NDST3: variants seen among roughly 807,000 people sequenced by gnomAD.
NDST3 encodes bifunctional heparan sulfate N-deacetylase/N-sulfotransferase 3.
NDST3 carries 58 observed loss-of-function variants against 96.1 expected under a neutral mutation model. That is an observed-to-expected ratio of 0.60 (90% CI 0.49 to 0.75). NDST3 has a LOEUF of 0.75. Ranked by LOEUF, NDST3 falls within the 30% of genes least tolerant of loss-of-function variation. The pLI is 0.00. For missense variants in NDST3, 788 were observed against 1,034.2 expected, an observed-to-expected ratio of 0.76 and a Z score of 3.27; for synonymous variants, 333 against 359.7, an observed-to-expected ratio of 0.93 and a Z score of 0.84.
chr4:118,194,199 G>C, intron 6 of NDST3: 1 of 756,198 alleles, frequency 1.3e-6, no homozygotes, highest in South Asian at 1.4e-5. Context: ...AGATTCTCCT[G>C]ATGTTCAAAG....
intron 6 of NDST3, among the ~76,000 whole-genome samples, chr4:118,187,091 C>A (rs1457988270): frequency 3.3e-5 from 5 of 152,166 alleles, no homozygotes; most frequent in African/African-American, 1.2e-4. Context: ...ATTAGCTAGA[C>A]AAAGAGTCTA....
intron 4 of NDST3, among the ~76,000 whole-genome samples, chr4:118,125,869 C>G (rs183656518): frequency 1.3e-5 from 2 of 151,948 alleles, no homozygotes; most frequent in African/African-American, 2.4e-5. Flanking sequence ...CATGTAGTAC[C>G]AAATCTAAAT....
chr4:118,167,706 G>T (rs935268808), intron 6 of NDST3, among the ~76,000 whole-genome samples: 1 of 151,848 alleles, frequency 6.6e-6, no homozygotes. Context: ...ATGTTACAAA[G>T]ATAGACACAT....
chr4:118,042,141 T>C (rs949173897), intron 1 of NDST3, among the ~76,000 whole-genome samples: 8 of 152,230 alleles, frequency 5.3e-5, no homozygotes, highest in Non-Finnish European at 1.0e-4. Flanking sequence ...CATGTATAAC[T>C]TAGTCCATCT....
chr4:118,132,410 T>C (rs1349408049), intron 4 of NDST3, among the ~76,000 whole-genome samples: 1 of 152,120 alleles, frequency 6.6e-6, no homozygotes, highest in African/African-American at 2.4e-5. Context: ...CCAAGGGTTC[T>C]TCTGTCAGCT....
rs1742121036 is a variant in NDST3 at position 118,256,296 on chromosome 4, T to C, written c.*584T>C. ...GTGGAAAAGTTATATATGAGTGTTATCTGCACCAAAAAAAAATAAGTGCTA... is the reference window on the plus strand; with the variant it reads ...GTGGAAAAGTTATATATGAGTGTTACCTGCACCAAAAAAAAATAAGTGCTA... On this transcript the variant is annotated 3_prime_UTR_variant, in exon 14 of 14. Coordinates refer to ENST00000296499, the MANE Select transcript of NDST3 (RefSeq NM_004784.3). The C allele has an allele frequency of 6.6e-6, 1 of 151,754 alleles. No homozygotes were observed. The allele number at this position is 151,754 out of a possible 1,614,324, so 9.4% of individuals were successfully genotyped here.
chr4:118,072,266 A>G (rs1727141940), intron 2 of NDST3, among the ~76,000 whole-genome samples: 1 of 152,018 alleles, frequency 6.6e-6, no homozygotes, highest in South Asian at 2.1e-4. Flanking sequence ...TTCTGTGAAG[A>G]ATGTCATTGA....
At chr4:118,181,156 G>A (rs1344474562) in intron 6 of NDST3, among the ~76,000 whole-genome samples, 1 of 152,124 alleles carries the variant, frequency 6.6e-6, no homozygotes, top group East Asian at 1.9e-4. Flanking sequence ...CACCTTCCCT[G>A]TGTTGTTCCT....
At chr4:118,123,227 G>A (rs375483570) in intron 4 of NDST3, among the ~76,000 whole-genome samples, 13 of 152,030 alleles carry the variant, frequency 8.6e-5, no homozygotes, top group African/African-American at 3.1e-4. Flanking sequence ...GTATACGGTG[G>A]TTATAACAAA....
Position 118,234,800 on chromosome 4 carries a change from C to T in NDST3, c.1943+1665C>T, listed in dbSNP as rs549465539. Among the ~76,000 whole-genome samples the T allele has an allele frequency of 4.6e-5, 7 of 152,094 alleles. No homozygotes were observed. The East Asian group carries it at 5.8e-4, about 13-fold the overall frequency. On this transcript the variant is annotated intron_variant, in intron 9 of 13. Coordinates refer to ENST00000296499, the MANE Select transcript of NDST3 (RefSeq NM_004784.3). ...ATCCCAGCACTTTGGGAGGCTGAGG[C>T]GGGCAGATCACCTGAGCTCAGGAGT...
chr4:118,098,777 G>A (rs1211840295), intron 2 of NDST3, among the ~76,000 whole-genome samples: 1 of 152,036 alleles, frequency 6.6e-6, no homozygotes. Context: ...AAAATACCAA[G>A]AAGGGTTTAT....
At chr4:118,251,986 C>A (rs1170776339) in intron 12 of NDST3, among the ~76,000 whole-genome samples, 4 of 152,024 alleles carry the variant, frequency 2.6e-5, no homozygotes, top group Non-Finnish European at 5.9e-5. Context: ...AGTGTGCAGC[C>A]ATTGCACATA....
intron 8 of NDST3, among the ~76,000 whole-genome samples, chr4:118,227,971 T>C (rs2125996896): frequency 6.6e-6 from 1 of 152,296 alleles, no homozygotes; most frequent in Non-Finnish European, 1.5e-5. Flanking sequence ...AGCTTTAAAC[T>C]ACCAGACATT....
At chr4:118,149,232 A>G (rs1234179344) in intron 6 of NDST3, among the ~76,000 whole-genome samples, 3 of 152,118 alleles carry the variant, frequency 2.0e-5, no homozygotes, top group Non-Finnish European at 4.4e-5. Flanking sequence ...TGACTTGGCG[A>G]TGCGGGCTCT....
chr4:118,040,362 G>A (rs939749346), intron 1 of NDST3, among the ~76,000 whole-genome samples: 14 of 151,782 alleles, frequency 9.2e-5, no homozygotes, highest in African/African-American at 1.2e-4. Flanking sequence ...AGAAGTATAT[G>A]AGCTCATCTA....
chr4:118,211,686 T>A (rs954232470), intron 6 of NDST3, among the ~76,000 whole-genome samples: 3 of 152,194 alleles, frequency 2.0e-5, no homozygotes, highest in African/African-American at 7.2e-5. Flanking sequence ...GTGCTTTCAT[T>A]ATTATTAACA....
intron 6 of NDST3, among the ~76,000 whole-genome samples, chr4:118,195,360 G>A (rs1186850003): frequency 6.6e-6 from 1 of 152,158 alleles, no homozygotes; most frequent in East Asian, 1.9e-4. Context: ...TGTTCTCATG[G>A]TAGTGAATAA....
At chr4:118,033,863 G>C (rs1407585324), upstream of NDST3, 3 of 152,312 alleles carry the variant, frequency 2.0e-5, no homozygotes, top group Non-Finnish European at 4.4e-5. Flanking sequence ...GAGCGGCTGA[G>C]GCCGAAGACC....
chr4:118,190,020 T>G lies in NDST3; in HGVS notation c.1540-34471T>G, dbSNP rs142450202. On this transcript the variant is annotated intron_variant, in intron 6 of 13. Coordinates refer to ENST00000296499, the MANE Select transcript of NDST3 (RefSeq NM_004784.3). ...TTGAAATGTTTAAATAACTTCAAACTAGATAAAAAAAATTTTAAATACACA... is the reference window on the plus strand; with the variant it reads ...TTGAAATGTTTAAATAACTTCAAACGAGATAAAAAAAATTTTAAATACACA... 5.7e-3 allele frequency among the ~76,000 whole-genome samples: 863 copies of G among 152,148 alleles called. 26 individuals are homozygous for G. In the South Asian group the frequency reaches 0.061, roughly 11 times the overall value.
Sources: allele counts gnomAD v4.1 joint callset (sites outside exome capture counted in the v4.1 genomes callset), GRCh38; gene constraint gnomAD v4.1.1; transcripts MANE v1.5; gene names NCBI Gene and HGNC (gene_info 2026-07-23, HGNC 2026-07-21).